The following C8orf34 variants were observed in gnomAD, a reference collection of about 807,000 sequenced individuals.
C8orf34 encodes uncharacterized protein C8orf34.
In C8orf34, 65 loss-of-function variants were observed where a neutral mutation model predicts 68.3. That is an observed-to-expected ratio of 0.95 (90% CI 0.78 to 1.17). The LOEUF (loss-of-function observed/expected upper bound fraction) is 1.17, where lower values mean the gene tolerates loss of function less well. C8orf34 is among the 50% of genes most tolerant of loss of function. C8orf34 has a pLI of 0.00. For missense variants in C8orf34, 664 were observed against 655.4 expected, an observed-to-expected ratio of 1.01 and a Z score of -0.14; for synonymous variants, 244 against 241.2, an observed-to-expected ratio of 1.01 and a Z score of -0.11.
intron 8 of C8orf34, among the ~76,000 whole-genome samples, chr8:68,705,630 G>T (rs1410012680): frequency 6.6e-6 from 1 of 152,090 alleles, no homozygotes; most frequent in East Asian, 1.9e-4. Context: ...GGACGTAAAG[G>T]CATTGAATGA....
Position 68,348,202 on chromosome 8 carries a change from C to T in C8orf34, c.327+16863C>T, listed in dbSNP as rs1427852138. On this transcript the variant is annotated intron_variant, in intron 1 of 13. Coordinates refer to ENST00000518698, the MANE Select transcript of C8orf34 (RefSeq NM_052958.4). ...TAGGGCTAGCCAGTTATCCCAGTAC[C>T]ATTTGTTGAATAGGGAGTTTTTTTC... Among the ~76,000 whole-genome samples, 5 of 151,958 alleles carry T rather than the reference C, an allele frequency of 3.3e-5. No homozygotes were observed. In the South Asian group the frequency reaches 6.2e-4, roughly 19 times the overall value.
intron 7 of C8orf34, among the ~76,000 whole-genome samples, chr8:68,541,687 C>G (rs1031667185): frequency 1.3e-5 from 2 of 152,120 alleles, no homozygotes; most frequent in Admixed American, 1.3e-4. Flanking sequence ...TCAACAAGTA[C>G]CATCTTCTTG....
chr8:68,518,502 A>G (rs1404238645), intron 5 of C8orf34, among the ~76,000 whole-genome samples: 1 of 152,160 alleles, frequency 6.6e-6, no homozygotes, highest in Non-Finnish European at 1.5e-5. Flanking sequence ...CCTAAATAAC[A>G]GACAGCCTCT....
chr8:68,610,494 G>A (rs1468652276), intron 7 of C8orf34, among the ~76,000 whole-genome samples: 1 of 152,110 alleles, frequency 6.6e-6, no homozygotes, highest in Non-Finnish European at 1.5e-5. Flanking sequence ...AAATCTGCAT[G>A]ATATTAAAAT....
intron 1 of C8orf34, among the ~76,000 whole-genome samples, chr8:68,388,486 C>T (rs888640827): frequency 2.6e-5 from 4 of 151,886 alleles, no homozygotes; most frequent in Admixed American, 6.6e-5. Flanking sequence ...ATTAAAAAAT[C>T]TCCTATTAGT....
At chr8:68,810,773 G>A (rs2129529923) in intron 12 of C8orf34, among the ~76,000 whole-genome samples, 1 of 152,278 alleles carries the variant, frequency 6.6e-6, no homozygotes, top group East Asian at 1.9e-4. Flanking sequence ...CGCCTGAGAG[G>A]AGACCCACAG....
intron 1 of C8orf34, among the ~76,000 whole-genome samples, chr8:68,371,787 A>ACAG (rs1563385139): frequency 5.9e-5 from 9 of 151,982 alleles, no homozygotes; most frequent in African/African-American, 2.2e-4. Flanking sequence ...TTTAGTAGAG[A>ACAG]GGTGATTTCA....
intron 3 of C8orf34, among the ~76,000 whole-genome samples, chr8:68,462,802 G>T (rs2129629199): frequency 6.6e-6 from 1 of 151,936 alleles, no homozygotes; most frequent in African/African-American, 2.4e-5. Flanking sequence ...GTGTGTAGAG[G>T]GAAATGTATA....
rs141784557 is a variant in C8orf34 at position 68,646,621 on chromosome 8, A to G, written c.1241+6110A>G. 7.9e-3 allele frequency among the ~76,000 whole-genome samples: 1,198 copies of G among 152,182 alleles called. 15 individuals carry two copies. Among genetic ancestry groups the G allele is most frequent in the Admixed American group, 0.03 (461 of 15,280 alleles). On this transcript the variant is annotated intron_variant, in intron 8 of 13. Coordinates refer to ENST00000518698, the MANE Select transcript of C8orf34 (RefSeq NM_052958.4). ...TTTGACCAACATATTCTCTTTCTTC[A>G]TTAGTCCCCCTTCCCCCAGCCTCTG... is the stretch of plus-strand genomic sequence containing the variant.
rs72664977 is a variant in C8orf34 at position 68,496,135 on chromosome 8, G to T, written c.765+8084G>T. Reference sequence around the variant, plus strand: ...GAAGACTTTTTCCTCTTAAGAAATAGACTTCAGATAGTATAATGTTCATGC... The same window carrying T: ...GAAGACTTTTTCCTCTTAAGAAATATACTTCAGATAGTATAATGTTCATGC... On this transcript the variant is annotated intron_variant, in intron 5 of 13. Coordinates refer to ENST00000518698, the MANE Select transcript of C8orf34 (RefSeq NM_052958.4). Among the ~76,000 whole-genome samples the T allele has an allele frequency of 3.0e-3, 454 of 152,262 alleles. 2 individuals carry two copies. The highest frequency in any genetic ancestry group is 4.1e-3 in the Non-Finnish European group (278 of 68,020).
intron 7 of C8orf34, among the ~76,000 whole-genome samples, chr8:68,605,447 C>T (rs1256324793): frequency 5.9e-5 from 9 of 152,010 alleles, no homozygotes; most frequent in African/African-American, 2.2e-4. Flanking sequence ...TTTCAAACCT[C>T]GGAAGAAACT....
intron 8 of C8orf34, among the ~76,000 whole-genome samples, chr8:68,691,248 G>T (rs908929779): frequency 3.3e-5 from 5 of 151,934 alleles, no homozygotes; most frequent in Admixed American, 1.3e-4. Flanking sequence ...GTCTGTCTGT[G>T]CCATTTTTCC....
At chr8:68,532,956 C>T (rs773515320) in intron 6 of C8orf34, 27 bp from the exon 7 acceptor site, 1 of 1,492,504 alleles carries the variant, frequency 6.7e-7, no homozygotes, top group Non-Finnish European at 9.2e-7. Context: ...CTTATCACAG[C>T]TAATTAACAT....
intron 7 of C8orf34, chr8:68,535,973 T>C: frequency 1.6e-6 from 1 of 641,914 alleles, no homozygotes; most frequent in Non-Finnish European, 1.9e-6. Context: ...TAGTAATCGT[T>C]CTGGCAATTA....
chr8:68,435,348 T>C (rs1054497666), intron 1 of C8orf34, among the ~76,000 whole-genome samples: 4 of 151,828 alleles, frequency 2.6e-5, no homozygotes, highest in Non-Finnish European at 5.9e-5. Context: ...TAAAAATGGG[T>C]TTATGATAGA....
At chr8:68,747,876 A>G (rs1308635929) in intron 10 of C8orf34, among the ~76,000 whole-genome samples, 1 of 152,112 alleles carries the variant, frequency 6.6e-6, no homozygotes, top group African/African-American at 2.4e-5. Flanking sequence ...ACAGAATTGG[A>G]AAAAACTACT....
chr8:68,714,967 C>A (rs2130980848), intron 9 of C8orf34, among the ~76,000 whole-genome samples: 1 of 152,098 alleles, frequency 6.6e-6, no homozygotes, highest in South Asian at 2.1e-4. Flanking sequence ...CAGAAATAAA[C>A]CCAAATACTT....
chr8:68,648,531 C>A (rs564736434), intron 8 of C8orf34, among the ~76,000 whole-genome samples: 37 of 152,284 alleles, frequency 2.4e-4, no homozygotes, highest in African/African-American at 7.9e-4. Flanking sequence ...AGAGTTAAAT[C>A]TTGTTTGCGT....
intron 10 of C8orf34, among the ~76,000 whole-genome samples, chr8:68,745,145 G>A (rs1327639200): frequency 6.6e-6 from 1 of 152,026 alleles, no homozygotes; most frequent in Non-Finnish European, 1.5e-5. Flanking sequence ...AGCTTCATAA[G>A]TGAAGGAGAA....
Sources: gnomAD v4.1 joint callset for allele counts (sites outside exome capture counted in the v4.1 genomes callset) on GRCh38, gnomAD v4.1.1 for gene constraint, MANE v1.5 for transcripts, NCBI Gene and HGNC (gene_info 2026-07-23, HGNC 2026-07-21) for gene names.